The following INTS9 variants were observed in gnomAD, a reference collection of about 807,000 sequenced individuals.
INTS9 encodes the protein protein related to CPSF subunits of 74 kDa.
A neutral mutation model predicts 79.7 loss-of-function variants in INTS9; 55 were observed. The ratio of observed to expected loss-of-function variants is 0.69; its 90% CI spans 0.56 to 0.86. The LOEUF (loss-of-function observed/expected upper bound fraction) is 0.86, where lower values mean the gene tolerates loss of function less well. Ranked by LOEUF, INTS9 falls within the 40% of genes least tolerant of loss-of-function variation. The probability of loss-of-function intolerance (pLI) is 0.00; values close to 1 mark genes in which losing one functional copy is unlikely to be tolerated. For synonymous variants in INTS9, 319 were observed against 325.2 expected, an observed-to-expected ratio of 0.98 and a Z score of 0.20; for missense variants, 721 against 831.5, an observed-to-expected ratio of 0.87 and a Z score of 1.64.
chr8:28,798,750 T>G (rs1187404505), intron 8 of INTS9: 1 of 152,164 alleles, frequency 6.6e-6, no homozygotes, highest in Non-Finnish European at 1.5e-5. Context: ...CTGCCTGCCT[T>G]GATCTCCCAA....
At chr8:28,796,948 C>T (rs1804254810) in intron 8 of INTS9, 3 of 268,356 alleles carry the variant, frequency 1.1e-5, no homozygotes, top group South Asian at 1.6e-4. Flanking sequence ...TGTGTTTCAC[C>T]ATATATACAT....
chr8:28,882,403 T>G (rs1229603135), intron 1 of INTS9, among the ~76,000 whole-genome samples: 3 of 142,572 alleles, frequency 2.1e-5, no homozygotes, highest in Non-Finnish European at 4.6e-5. Flanking sequence ...CCCTCCACTA[T>G]TGTCCTATGA....
At chr8:28,833,656 A>T (rs2131167332) in intron 6 of INTS9, among the ~76,000 whole-genome samples, 1 of 151,494 alleles carries the variant, frequency 6.6e-6, no homozygotes, top group South Asian at 2.1e-4. Flanking sequence ...AAACCAAAAA[A>T]AAAACAAAAG....
chr8:28,800,228 T>C (rs993134633), intron 8 of INTS9, among the ~76,000 whole-genome samples: 5 of 152,132 alleles, frequency 3.3e-5, no homozygotes, highest in African/African-American at 9.7e-5. Flanking sequence ...AAAAAGAACA[T>C]GGTCTGGTAG....
chr8:28,847,202 G>A (rs1031404484), intron 3 of INTS9, among the ~76,000 whole-genome samples: 1 of 152,152 alleles, frequency 6.6e-6, no homozygotes, highest in African/African-American at 2.4e-5. Context: ...AGACTGAAGG[G>A]ATCAGAAACT....
In INTS9 at chr8:28,859,452, A is replaced by C; in HGVS notation, c.121T>G (p.Leu41Val). 1 of 1,614,134 alleles carries C rather than the reference A, an allele frequency of 6.2e-7. No individual in the cohort carries two copies. The highest frequency in any genetic ancestry group is 8.5e-7 in the Non-Finnish European group (1 of 1,179,966). The change falls in exon 2 of 17, where the codon TTG (leucine) becomes GTG (valine). Residue 41 changes from leucine (L) to valine (V), a missense_variant. By Grantham distance (32) the Leu-to-Val change is conservative. This residue lies in a region of INTS9 where 291 missense variants were observed against 307.0 expected (regional missense o/e 0.95). Transcript: ENST00000521022. ...AGCACATACCTTTGAACAAGTGGCAAAGGAAGGAAATTGAGGGTAGAAGTC... is the reference window on the plus strand; with the variant it reads ...AGCACATACCTTTGAACAAGTGGCACAGGAAGGAAATTGAGGGTAGAAGTC... ...DMTSTLNFLP[L>V]PLVQSPRLSN...
chr8:28,835,226 A>T, intron 6 of INTS9, 66 bp downstream of exon 6: 1 of 1,034,294 alleles, frequency 9.7e-7, no homozygotes, highest in South Asian at 1.4e-5. Context: ...GAAGAAATCA[A>T]ATGAGACTGC....
chr8:28,785,786 A>G (rs893485951), intron 11 of INTS9, among the ~76,000 whole-genome samples: 3 of 152,212 alleles, frequency 2.0e-5, no homozygotes, highest in Non-Finnish European at 4.4e-5. Context: ...CACATGCACA[A>G]GTGGATTTCT....
At chr8:28,830,161 C>T (rs1201519384) in intron 6 of INTS9, among the ~76,000 whole-genome samples, 1 of 152,148 alleles carries the variant, frequency 6.6e-6, no homozygotes, top group Non-Finnish European at 1.5e-5. Flanking sequence ...ATGTAGCATG[C>T]TGCAGTAGTT....
chr8:28,882,009 G>GA (rs1200629916), intron 1 of INTS9, among the ~76,000 whole-genome samples: 1 of 144,692 alleles, frequency 6.9e-6, no homozygotes, highest in Non-Finnish European at 1.5e-5. Context: ...TTGTGGAATA[G>GA]AAAGGCGGGA....
chr8:28,830,990 T>C (rs1045869494), intron 6 of INTS9, among the ~76,000 whole-genome samples: 4 of 152,200 alleles, frequency 2.6e-5, no homozygotes, highest in Admixed American at 2.6e-4. Context: ...TTCCATTCTA[T>C]TATAAAGATA....
intron 10 of INTS9, among the ~76,000 whole-genome samples, chr8:28,788,670 C>T (rs1054719362): frequency 6.6e-5 from 10 of 152,192 alleles, no homozygotes; most frequent in African/African-American, 9.7e-5. Flanking sequence ...CCACCCGCCT[C>T]GGCCTCCCAA....
At chr8:28,776,029 A>C (rs562153395) in intron 13 of INTS9, 103 bp from the exon 14 acceptor site, 26 of 918,956 alleles carry the variant, frequency 2.8e-5, no homozygotes, top group Admixed American at 1.3e-4. Context: ...TTACAGGCTC[A>C]CCACTTCCAG....
At chr8:28,846,185 G>C (rs1464167926) in intron 4 of INTS9, among the ~76,000 whole-genome samples, 1 of 152,180 alleles carries the variant, frequency 6.6e-6, no homozygotes, top group African/African-American at 2.4e-5. Context: ...TAGCTGCCTT[G>C]AAAACAAATG....
chr8:28,821,511 G>A (rs1444181039), intron 6 of INTS9, among the ~76,000 whole-genome samples: 3 of 152,076 alleles, frequency 2.0e-5, no homozygotes, highest in Non-Finnish European at 4.4e-5. Context: ...GGGTGGGGAC[G>A]CAGGCAAACC....
At chr8:28,790,604 A>C (rs1256783245) in intron 10 of INTS9, among the ~76,000 whole-genome samples, 1 of 152,226 alleles carries the variant, frequency 6.6e-6, no homozygotes, top group Non-Finnish European at 1.5e-5. Context: ...CTGGGATTAC[A>C]GGTGTGAGCC....
chr8:28,776,440 G>GT (rs58428614), intron 13 of INTS9, among the ~76,000 whole-genome samples: 7 of 79,186 alleles, frequency 8.8e-5, no homozygotes, highest in South Asian at 4.2e-4. Flanking sequence ...TTTTTTTTTT[G>GT]TTTTTTTTTT....
intron 8 of INTS9, among the ~76,000 whole-genome samples, chr8:28,809,808 T>C (rs758049955): frequency 5.3e-5 from 8 of 152,176 alleles, no homozygotes; most frequent in Admixed American, 2.0e-4. Context: ...GGGCCCAGAA[T>C]TCCGCCAGAT....
intron 11 of INTS9, among the ~76,000 whole-genome samples, chr8:28,781,950 A>G (rs1585342300): frequency 6.6e-6 from 1 of 152,264 alleles, no homozygotes; most frequent in East Asian, 1.9e-4. Flanking sequence ...TGACGTGTCA[A>G]TGTGGGTTCA....
Sources: gnomAD v4.1 joint callset for allele counts (sites outside exome capture counted in the v4.1 genomes callset) on GRCh38, gnomAD v4.1.1 for gene constraint, gnomAD v4.1.1 regional missense constraint, MANE v1.5 for transcripts, NCBI Gene and HGNC (gene_info 2026-07-23, HGNC 2026-07-21) for gene names.